Variants in EIPR1 observed in about 807,000 individuals in gnomAD.
EIPR1 encodes EARP complex and GARP complex interacting protein 1.
In EIPR1, 25 loss-of-function variants were observed where a neutral mutation model predicts 48.1. The observed-to-expected ratio is 0.52, with a 90% CI of 0.38 to 0.73. EIPR1 has a LOEUF of 0.73. EIPR1 is among the 30% of genes least tolerant of loss of function. EIPR1 has a pLI of 0.00. For missense variants in EIPR1, 415 were observed against 506.2 expected (o/e 0.82, Z 1.73); for synonymous variants, 204 against 201.9 (o/e 1.01, Z -0.09).
intron 6 of EIPR1, among the ~76,000 whole-genome samples, chr2:3,195,034 TGA>T (rs1383183031): frequency 3.9e-5 from 6 of 152,230 alleles, no homozygotes; most frequent in Non-Finnish European, 7.3e-5. Context: ...CATCTATGCA[TGA>T]GAGGGCAGAC....
At chr2:3,196,574 C>A (rs1304850202) in intron 6 of EIPR1, among the ~76,000 whole-genome samples, 1 of 152,198 alleles carries the variant, frequency 6.6e-6, no homozygotes, top group Non-Finnish European at 1.5e-5. Flanking sequence ...ACCCTGTGGT[C>A]CCCATCTCGC....
intron 3 of EIPR1, among the ~76,000 whole-genome samples, chr2:3,285,950 A>G (rs1668171838): frequency 6.6e-6 from 1 of 151,980 alleles, no homozygotes; most frequent in Non-Finnish European, 1.5e-5. Context: ...CGCACGGAGC[A>G]GAAGTCACCG....
intron 5 of EIPR1, among the ~76,000 whole-genome samples, chr2:3,205,673 C>A (rs1665207894): frequency 6.6e-6 from 1 of 152,240 alleles, no homozygotes; most frequent in South Asian, 2.1e-4. Flanking sequence ...ATGGAAACTT[C>A]CCTTCCCTAT....
At chr2:3,361,660 C>G (rs1670853161) in intron 1 of EIPR1, among the ~76,000 whole-genome samples, 2 of 152,204 alleles carry the variant, frequency 1.3e-5, no homozygotes, top group Admixed American at 1.3e-4. Context: ...TCAGAGTCAC[C>G]CAACTGTCAG....
At chr2:3,305,553 C>G (rs1668917267) in intron 3 of EIPR1, among the ~76,000 whole-genome samples, 1 of 151,774 alleles carries the variant, frequency 6.6e-6, no homozygotes, top group Non-Finnish European at 1.5e-5. Context: ...CCACTGCCGT[C>G]CAGTTCAGCC....
At chr2:3,250,312 T>A (rs2103206755) in intron 4 of EIPR1, among the ~76,000 whole-genome samples, 1 of 152,356 alleles carries the variant, frequency 6.6e-6, no homozygotes, top group East Asian at 1.9e-4. Context: ...GCTTTAACAT[T>A]TAATACCTTT....
chr2:3,291,359 C>T (rs1185514945), intron 3 of EIPR1, among the ~76,000 whole-genome samples: 2 of 152,020 alleles, frequency 1.3e-5, no homozygotes, highest in African/African-American at 2.4e-5. Context: ...CCCCAACCCA[C>T]GTAGCGGGCT....
intron 5 of EIPR1, among the ~76,000 whole-genome samples, chr2:3,205,530 CTT>C (rs1392809609): frequency 6.6e-6 from 1 of 152,230 alleles, no homozygotes; most frequent in Non-Finnish European, 1.5e-5. Context: ...CACTGAATCA[CTT>C]TATTTCCAAG....
At chr2:3,251,882 G>T (rs1352248435) in intron 4 of EIPR1, among the ~76,000 whole-genome samples, 2 of 152,168 alleles carry the variant, frequency 1.3e-5, no homozygotes, top group Admixed American at 1.3e-4. Flanking sequence ...TCATTCAACA[G>T]GGAGGTGATC....
In EIPR1 at chr2:3,242,797, C is replaced by T. The variant is rs552983320; in HGVS notation, c.416+14502G>A. ...AAGAGAATATAATGAATTATTTCCC[C>T]AGCTTACAAATCGTTTACAACACAC... On this transcript the variant is annotated intron_variant, in intron 4 of 8. Transcript: ENST00000382125. Among the ~76,000 whole-genome samples, 6 of 152,292 alleles carry T rather than the reference C, an allele frequency of 3.9e-5. No homozygotes were observed. The South Asian group carries it at 1.2e-3, about 32-fold the overall frequency.
intron 4 of EIPR1, among the ~76,000 whole-genome samples, chr2:3,215,804 CA>C (rs2103136308): frequency 6.6e-6 from 1 of 152,332 alleles, no homozygotes; most frequent in Admixed American, 6.5e-5. Flanking sequence ...GTAATCACAA[CA>C]TTAACATCAT....
intron 2 of EIPR1, among the ~76,000 whole-genome samples, chr2:3,340,475 G>C (rs1009453523): frequency 5.3e-5 from 8 of 152,314 alleles, no homozygotes; most frequent in African/African-American, 1.9e-4. Context: ...ACACATCTAA[G>C]AACCAGAGAA....
intron 4 of EIPR1, among the ~76,000 whole-genome samples, chr2:3,214,858 C>G (rs1220457985): frequency 2.0e-5 from 3 of 152,058 alleles, no homozygotes; most frequent in African/African-American, 2.4e-5. Flanking sequence ...TGAAATGGAG[C>G]CTTTGGGAGG....
At position 3,339,681 on chromosome 2, in the gene EIPR1, G is replaced by GCTCA. The variant is rs750251269; in HGVS notation, c.127-1536_127-1533dup. Among the ~76,000 whole-genome samples the GCTCA allele has an allele frequency of 8.6e-5, 13 of 151,998 alleles. No homozygotes were observed. In the East Asian group the frequency reaches 2.3e-3, roughly 27 times the overall value. ...TGAGTGGCATGGGCTGGGCGCGGTGGCTCACGCCTGTAATTGTAGCACTTT... is the reference window on the plus strand; with the variant it reads ...TGAGTGGCATGGGCTGGGCGCGGTGGCTCACTCACGCCTGTAATTGTAGCACTTT... On this transcript the variant is annotated intron_variant, in intron 2 of 8. Transcript: ENST00000382125.
intron 1 of EIPR1, among the ~76,000 whole-genome samples, chr2:3,376,015 C>T (rs1659864459): frequency 6.6e-6 from 1 of 152,240 alleles, no homozygotes; most frequent in South Asian, 2.1e-4. Context: ...TGGCTCATGA[C>T]TATAATCCCA....
chr2:3,202,117 T>C (rs1665061415), intron 5 of EIPR1, among the ~76,000 whole-genome samples: 1 of 152,096 alleles, frequency 6.6e-6, no homozygotes, highest in South Asian at 2.1e-4. Flanking sequence ...TTTTGTATTT[T>C]TAGTAGAGAC....
At chr2:3,371,801 C>T (rs1167458395) in intron 1 of EIPR1, among the ~76,000 whole-genome samples, 2 of 152,182 alleles carry the variant, frequency 1.3e-5, no homozygotes, top group African/African-American at 4.8e-5. Flanking sequence ...TAACACCCCA[C>T]TGTCAACATT....
intron 1 of EIPR1, among the ~76,000 whole-genome samples, chr2:3,371,563 A>G (rs1223114027): frequency 2.6e-5 from 4 of 152,194 alleles, no homozygotes; most frequent in African/African-American, 9.7e-5. Flanking sequence ...GAAAACAAAA[A>G]AAGGCAGGGG....
At chr2:3,225,046 G>A (rs1033157425) in intron 4 of EIPR1, among the ~76,000 whole-genome samples, 9 of 152,136 alleles carry the variant, frequency 5.9e-5, no homozygotes, top group African/African-American at 1.9e-4. Context: ...TTTCAGTTAC[G>A]TGCATATCTA....
Sources: gnomAD v4.1 joint callset for allele counts (sites outside exome capture counted in the v4.1 genomes callset) on GRCh38, gnomAD v4.1.1 for gene constraint, MANE v1.5 for transcripts, NCBI Gene and HGNC (gene_info 2026-07-23, HGNC 2026-07-21) for gene names.